The following SHBG variants were observed in gnomAD, a reference collection of about 807,000 sequenced individuals.
SHBG encodes the protein sex hormone binding globulin, also known as sex hormone-binding globulin.
Under a neutral mutation model 41.9 loss-of-function variants are expected in SHBG, and 37 were observed. The ratio of observed to expected loss-of-function variants is 0.88; its 90% CI spans 0.68 to 1.16. SHBG has a LOEUF of 1.16. SHBG is among the 50% of genes most tolerant of loss of function. SHBG has a pLI of 0.00. For synonymous variants in SHBG, 217 were observed against 205.8 expected, an observed-to-expected ratio of 1.05 and a Z score of -0.47; for missense variants, 466 against 499.9, an observed-to-expected ratio of 0.93 and a Z score of 0.65.
chr17:7,625,219 G>A (rs1012086502), upstream of SHBG, among the ~76,000 whole-genome samples: 2 of 151,846 alleles, frequency 1.3e-5, no homozygotes, highest in Non-Finnish European at 2.9e-5. Context: ...AAACTGCTGG[G>A]ATCACAGGCA....
upstream of SHBG, among the ~76,000 whole-genome samples, chr17:7,625,507 G>C (rs2072180700): frequency 6.6e-6 from 1 of 151,766 alleles, no homozygotes; most frequent in African/African-American, 2.4e-5. Flanking sequence ...AACCCAAGAG[G>C]CAAAGCTTGC....
At position 7,630,802 on chromosome 17, in the gene SHBG, T is replaced by C; in HGVS notation, c.326T>C (p.Leu109Pro). Residue 109 changes from leucine (L) to proline (P), a missense_variant, in exon 3 of 8, where the codon CTG becomes CCG. Physicochemically the swap from Leu to Pro is moderately conservative, Grantham distance 98 (BLOSUM62 -3). Transcript: ENST00000380450. This position sits in a 1 kb window ranked among gnomAD's most constrained non-coding sequence, Gnocchi z 4.6. The part of the protein sequence containing the change: ...GLRDGRPEIQ[L>P]HNHWAQLTVG... ...CGAGACGGCAGGCCTGAGATCCAAC[T>C]GCACAATCACTGGGCCCAGCTTACG... is the stretch of plus-strand genomic sequence containing the variant. 4 of 1,614,044 alleles carry C rather than the reference T, an allele frequency of 2.5e-6. No homozygotes were observed. Among genetic ancestry groups the C allele is most frequent in the Non-Finnish European group, 3.4e-6 (4 of 1,180,004 alleles).
At chr17:7,626,781 C>G, upstream of SHBG, 1 of 1,614,110 alleles carries the variant, frequency 6.2e-7, no homozygotes, top group Non-Finnish European at 8.5e-7. Context: ...TATTTTGGAA[C>G]CAATCCCTTG....
At chr17:7,627,030 C>T, upstream of SHBG, 1 of 1,613,990 alleles carries the variant, frequency 6.2e-7, no homozygotes, top group Non-Finnish European at 8.5e-7. The surrounding 1 kb of genome is among the most constrained non-coding windows in gnomAD (Gnocchi z 4.8). Context: ...ATCCCATAGC[C>T]CACCACGCAG....
At chr17:7,614,434 G>T in intron 1 of SHBG, 1 of 1,514,088 alleles carries the variant, frequency 6.6e-7, no homozygotes, top group Non-Finnish European at 8.9e-7. Context: ...GGCGTCCCCA[G>T]TCGGCGCGCC....
At chr17:7,622,272 A>AC (rs1323686807) in intron 1 of SHBG, among the ~76,000 whole-genome samples, 1 of 149,212 alleles carries the variant, frequency 6.7e-6, no homozygotes, top group Non-Finnish European at 1.5e-5. Flanking sequence ...TAATAGGATC[A>AC]CTTTTTTTTT....
intron 1 of SHBG, among the ~76,000 whole-genome samples, chr17:7,618,739 C>T (rs1256084581): frequency 2.0e-5 from 3 of 152,138 alleles, no homozygotes; most frequent in Non-Finnish European, 4.4e-5. Context: ...AGAGGAAACA[C>T]AGGTTCCAGG....
intron 1 of SHBG, among the ~76,000 whole-genome samples, chr17:7,622,265 T>C (rs1402215215): frequency 1.3e-5 from 2 of 151,116 alleles, no homozygotes; most frequent in Non-Finnish European, 3.0e-5. Context: ...CAACACCTAA[T>C]AGGATCACTT....
intron 1 of SHBG, among the ~76,000 whole-genome samples, chr17:7,615,365 G>T (rs537627784): frequency 6.2e-4 from 95 of 152,258 alleles, no homozygotes; most frequent in African/African-American, 2.3e-3. Flanking sequence ...AAGAGGAGTC[G>T]CCGCAAGGAA....
At chr17:7,631,069 T>C (rs1299871411) in intron 3 of SHBG, 131 bp from the exon 4 acceptor site, 1 of 1,036,508 alleles carries the variant, frequency 9.6e-7, no homozygotes, top group Non-Finnish European at 1.4e-6. Context: ...AAGAGCTGAG[T>C]GACCCAAGGC....
upstream of SHBG, chr17:7,627,934 T>TC (rs148963195): frequency 0.32 from 167,741 of 518,036 alleles, 29,243 homozygotes; most frequent in Admixed American, 0.47. This position sits in a 1 kb window ranked among gnomAD's most constrained non-coding sequence, Gnocchi z 4.8. Context: ...CACGGCCGCG[T>TC]CCCCCCCAAG....
chr17:7,619,906 C>T (rs2072060113), intron 1 of SHBG, among the ~76,000 whole-genome samples: 1 of 151,898 alleles, frequency 6.6e-6, no homozygotes, highest in Admixed American at 6.6e-5. Flanking sequence ...TGCAGTGGCT[C>T]AAACATGCCC....
At chr17:7,614,081 G>A in exon 1 of SHBG, 1 of 492,846 alleles carries the variant, frequency 2.0e-6, no homozygotes, top group Non-Finnish European at 4.0e-6. Flanking sequence ...CATGTGCTTG[G>A]ATCGTGGGGA....
rs1443545314 is a variant in SHBG at position 7,616,392 on chromosome 17, G to A, written c.-62+2281G>A. Among the ~76,000 whole-genome samples the A allele has an allele frequency of 2.0e-5, 3 of 146,998 alleles. No individual in the cohort carries two copies. In the South Asian group the frequency reaches 6.4e-4, roughly 31 times the overall value. On this transcript the variant is annotated intron_variant, in intron 1 of 5. Coordinates refer to the SHBG transcript ENST00000570547. ...GGAGGCCGAGACGGGCGGATCACGA[G>A]GTCAGGAGATCGAGACCATCCTGGC...
chr17:7,625,902 A>C (rs1426900060), upstream of SHBG, among the ~76,000 whole-genome samples: 1 of 150,386 alleles, frequency 6.6e-6, no homozygotes, highest in East Asian at 1.9e-4. Context: ...TTGATCTCAA[A>C]AAAAAAAAAA....
chr17:7,628,609 C>G (rs2072300461), upstream of SHBG, among the ~76,000 whole-genome samples: 1 of 151,978 alleles, frequency 6.6e-6, no homozygotes, highest in Non-Finnish European at 1.5e-5. Context: ...CCATACCTGG[C>G]TAATTTTTGT....
upstream of SHBG, chr17:7,626,294 A>C: frequency 7.9e-6 from 6 of 763,368 alleles, no homozygotes; most frequent in Non-Finnish European, 1.3e-5. Context: ...TCTCTCCCTC[A>C]ATTCTGCTCT....
In SHBG at chr17:7,631,300, A is replaced by C; in HGVS notation, c.494A>C (p.His165Pro). The C allele has an allele frequency of 6.2e-7, 1 of 1,613,972 alleles. No homozygotes were observed. The highest frequency in any genetic ancestry group is 8.5e-7 in the Non-Finnish European group (1 of 1,179,952). Residue 165 changes from histidine to proline, a missense_variant, in exon 4 of 8, where the codon CAT (histidine) becomes CCT (proline). Coordinates refer to ENST00000380450, the MANE Select transcript of SHBG (RefSeq NM_001040.5). ...QVSGPLTSKR[H>P]PIMRIALGGL... ...TCTGGGCCCCTGACCAGCAAACGCCATCCCATCATGAGGATTGCGCTTGGG... is the reference window on the plus strand; with the variant it reads ...TCTGGGCCCCTGACCAGCAAACGCCCTCCCATCATGAGGATTGCGCTTGGG...
At chr17:7,631,788 C>A in intron 5 of SHBG, 40 bp downstream of exon 5, 1 of 1,613,246 alleles carries the variant, frequency 6.2e-7, no homozygotes, top group Admixed American at 1.7e-5. Flanking sequence ...CCCTGGCCAG[C>A]TCAGCCTGCC....
Sources: allele counts gnomAD v4.1 joint callset (sites outside exome capture counted in the v4.1 genomes callset), GRCh38; gene constraint gnomAD v4.1.1; non-coding constraint Gnocchi (gnomAD v3.1); transcripts MANE v1.5; gene names NCBI Gene and HGNC (gene_info 2026-07-23, HGNC 2026-07-21).